TRAF1: variants seen among roughly 807,000 people sequenced by gnomAD.
The protein encoded by TRAF1 is TNF receptor associated factor 1, also known as TNF receptor-associated factor 1.
In TRAF1, 23 loss-of-function variants were observed where a neutral mutation model predicts 40.9. The ratio of observed to expected loss-of-function variants is 0.56; its 90% CI spans 0.40 to 0.80. TRAF1 has a LOEUF of 0.80. TRAF1 is among the 30% of genes least tolerant of loss of function. The pLI is 0.00. For missense variants in TRAF1, 477 were observed against 528.7 expected, an observed-to-expected ratio of 0.90 and a Z score of 0.96; for synonymous variants, 206 against 218.8, an observed-to-expected ratio of 0.94 and a Z score of 0.52.
At position 120,902,511 on chromosome 9, in the gene TRAF1, T is replaced by TTG. The variant is rs1468558069; in HGVS notation, c.*2508_*2509insCA. 3.1e-5 allele frequency: 2 copies of TTG among 64,548 alleles called. No homozygotes were observed. Among genetic ancestry groups the TTG allele is most frequent in the Admixed American group, 1.9e-4 (1 of 5,312 alleles). 4.0% of individuals were successfully genotyped at this position (64,548 alleles called of 1,614,324 possible). On this transcript the variant is annotated 3_prime_UTR_variant, in exon 8 of 8. Transcript: ENST00000373887. Reference sequence around the variant, plus strand: ...GGTGCTCTGTGGGCAGGGCGGGGGGTGGGGGGGGGGGCGGTGGGCACTGCT... The same window carrying TTG: ...GGTGCTCTGTGGGCAGGGCGGGGGGTTGGGGGGGGGGGGCGGTGGGCACTGCT...
At chr9:120,925,628 G>A (rs2046634020) in intron 2 of TRAF1, among the ~76,000 whole-genome samples, 1 of 152,218 alleles carries the variant, frequency 6.6e-6, no homozygotes, top group African/African-American at 2.4e-5. Context: ...ACAGACAAGC[G>A]AGCTGCGGCT....
At chr9:120,923,479 C>T (rs1196399435) in intron 3 of TRAF1, among the ~76,000 whole-genome samples, 1 of 152,208 alleles carries the variant, frequency 6.6e-6, no homozygotes. Flanking sequence ...TTGTGGACCC[C>T]TGGTCTGGAC....
At position 120,905,143 on chromosome 9, in the gene TRAF1, A is replaced by C. The variant is rs2046470563; in HGVS notation, c.1128T>G (p.Ser376Arg). The C allele has an allele frequency of 6.2e-7, 1 of 1,614,002 alleles. No individual in the cohort carries two copies. The highest frequency in any genetic ancestry group is 1.3e-5 in the African/African-American group (1 of 74,894). ...GGCATCCACTGGCCACGTTGGTTTC[A>C]CTCTGGGGCCTCTGGAAGGACGCTG... ...LSSASFQRPQ[S>R]ETNVASGCPL... Residue 376 changes from serine (S) to arginine (R), a missense_variant, in exon 8 of 8, where the codon AGT becomes AGG. By Grantham distance (110) the Ser-to-Arg change is moderately radical (BLOSUM62 -1). Coordinates refer to ENST00000373887, the MANE Select transcript of TRAF1 (RefSeq NM_005658.5).
In TRAF1 at chr9:120,903,855, C is replaced by G. The variant is rs1411873551; in HGVS notation, c.*1165G>C. ...GGGGATGTTCCTGCCAGCATGCCAG[C>G]CTCTGATGCCACCTGCAAAACTGGT... On this transcript the variant is annotated 3_prime_UTR_variant, in exon 8 of 8. Coordinates refer to ENST00000373887, the MANE Select transcript of TRAF1 (RefSeq NM_005658.5). 1 of 152,260 alleles carries G rather than the reference C, an allele frequency of 6.6e-6. No homozygotes were observed. Among genetic ancestry groups the G allele is most frequent in the East Asian group, 1.9e-4 (1 of 5,190 alleles). 9.4% of individuals were successfully genotyped at this position (152,260 alleles called of 1,614,324 possible). A position where few individuals can be genotyped will look rare whatever the true frequency, so the allele number is the denominator to read the frequency against.
intron 6 of TRAF1, among the ~76,000 whole-genome samples, chr9:120,910,937 C>T (rs1469542943): frequency 6.6e-6 from 1 of 152,210 alleles, no homozygotes; most frequent in African/African-American, 2.4e-5. Flanking sequence ...TCTGAGGCCA[C>T]GGTGTTCACT....
chr9:120,913,216 A>T, intron 5 of TRAF1, 112 bp downstream of exon 5: 1 of 1,319,820 alleles, frequency 7.6e-7, no homozygotes, highest in South Asian at 1.5e-5. Context: ...ATACGTTTTG[A>T]TGGAGTGACT....
chr9:120,922,942 G>A (rs920298419), intron 3 of TRAF1, among the ~76,000 whole-genome samples: 1 of 152,052 alleles, frequency 6.6e-6, no homozygotes, highest in African/African-American at 2.4e-5. Context: ...AGGCTCAGGC[G>A]ACTCTCCTAC....
Position 120,904,831 on chromosome 9 carries a change from G to A in TRAF1, c.*189C>T. ...GTCTCCTTCTGGACCCTTTGCCTTT[G>A]TGGGCCCAGCCCACGTCCTGCCATC... is the stretch of plus-strand genomic sequence containing the variant. On this transcript the variant is annotated 3_prime_UTR_variant, in exon 8 of 8. Coordinates refer to ENST00000373887, the MANE Select transcript of TRAF1 (RefSeq NM_005658.5). 1 of 633,938 alleles carries A rather than the reference G, an allele frequency of 1.6e-6. No individual in the cohort carries two copies. Among genetic ancestry groups the A allele is most frequent in the Non-Finnish European group, 2.7e-6 (1 of 368,284 alleles). 39.3% of individuals were successfully genotyped at this position (633,938 alleles called of 1,614,324 possible). A position where few individuals can be genotyped will look rare whatever the true frequency, so the allele number is the denominator to read the frequency against.
At chr9:120,929,156 G>C (rs1057049650), upstream of TRAF1, 1 of 152,558 alleles carries the variant, frequency 6.6e-6, no homozygotes, top group South Asian at 2.1e-4. This position sits in a 1 kb window ranked among gnomAD's most constrained non-coding sequence, Gnocchi z 4.5. Flanking sequence ...GCCAGGCCCG[G>C]AGCTTCCGGT....
chr9:120,913,406 C>G lies in TRAF1; in HGVS notation c.627G>C (p.Glu209Asp), dbSNP rs139512686. ...AGGTGGCCAGGGCCAGGTGGGAGGC[C>G]TCCACCTCCTTGTTGAGGACAGCAA... is the stretch of plus-strand genomic sequence containing the variant. ...NIVAVLNKEV[E>D]ASHLALATSI... The change falls in exon 5 of 8, where the codon GAG becomes GAC. Residue 209 changes from glutamate to aspartate, a missense_variant. Coordinates refer to ENST00000373887, the MANE Select transcript of TRAF1 (RefSeq NM_005658.5). 9.9e-6 allele frequency: 16 copies of G among 1,613,972 alleles called. No individual in the cohort carries two copies. In the East Asian group the frequency reaches 3.6e-4, roughly 36 times the overall value.
intron 7 of TRAF1, 67 bp from the exon 8 acceptor site, chr9:120,905,305 G>T: frequency 6.7e-7 from 1 of 1,494,522 alleles, no homozygotes; most frequent in South Asian, 1.2e-5. Flanking sequence ...GCCCAGGCTT[G>T]GGCTCAGAGC....
In TRAF1 at chr9:120,904,703, T is replaced by G; in HGVS notation, c.*317A>C. 2.8e-6 allele frequency: 1 copy of G among 351,838 alleles called. No homozygotes were observed. 21.8% of individuals were successfully genotyped at this position (351,838 alleles called of 1,614,324 possible). ...TCCTACGGTTCCAAGCCTGGTTCCA[T>G]TTTCTTCTCATTTGGTGAGAGTCCA... On this transcript the variant is annotated 3_prime_UTR_variant, in exon 8 of 8. Coordinates refer to ENST00000373887, the MANE Select transcript of TRAF1 (RefSeq NM_005658.5).
At chr9:120,911,631 G>GATGCAGACGCACACCTGA in intron 5 of TRAF1, 118 bp from the exon 6 acceptor site, 2 of 1,208,672 alleles carry the variant, frequency 1.7e-6, no homozygotes, top group Non-Finnish European at 2.3e-6. Flanking sequence ...GCCTCACTCA[G>GATGCAGACGCACACCTGA]GTGTGCGTCT....
At chr9:120,923,622 T>C (rs1269475313) in intron 3 of TRAF1, 83 bp downstream of exon 3, 3 of 1,318,244 alleles carry the variant, frequency 2.3e-6, no homozygotes, top group Non-Finnish European at 3.3e-6. Context: ...CTGCCAGGGG[T>C]GGAGTGGGCA....
At chr9:120,926,842 C>T (rs534472498), upstream of TRAF1, 1 of 152,218 alleles carries the variant, frequency 6.6e-6, no homozygotes, top group South Asian at 2.1e-4. Context: ...CCACACCACC[C>T]CACTCAGGAA....
chr9:120,911,350 C>G lies in TRAF1; in HGVS notation c.869G>C (p.Ser290Thr). The G allele has an allele frequency of 1.2e-6, 2 of 1,613,184 alleles. No homozygotes were observed. The part of the protein sequence containing the change: ...CHESACGRTV[S>T]LFSPAFYTAK... ...GGAGGTGTTACCTGGGGAGAAGAGG[C>G]TGACGGTCCTGCCACAGGCCGACTC... The change falls in exon 6 of 8, where the codon AGC becomes ACC. Residue 290 changes from serine (S) to threonine (T), a missense_variant. Ser to Thr is a moderately conservative substitution (Grantham distance 58, BLOSUM62 1). Transcript: ENST00000373887.
At chr9:120,906,183 T>TGG (rs1554714690) in intron 7 of TRAF1, among the ~76,000 whole-genome samples, 3 of 52,150 alleles carry the variant, frequency 5.8e-5, no homozygotes, top group Non-Finnish European at 2.2e-4. Context: ...GTTTTTTTTT[T>TGG]TTTTTTTTTT....
At chr9:120,913,228 C>T in intron 5 of TRAF1, 100 bp downstream of exon 5, 1 of 1,393,988 alleles carries the variant, frequency 7.2e-7, no homozygotes, top group Admixed American at 2.6e-5. Flanking sequence ...GGAGTGACTG[C>T]TGTAAGCAGG....
chr9:120,919,253 G>T (rs772442719), intron 3 of TRAF1, among the ~76,000 whole-genome samples: 1 of 152,152 alleles, frequency 6.6e-6, no homozygotes, highest in Non-Finnish European at 1.5e-5. Context: ...AATTTCCTCC[G>T]AGGAGGAGAC....
Sources: gnomAD v4.1 joint callset for allele counts (sites outside exome capture counted in the v4.1 genomes callset) on GRCh38, gnomAD v4.1.1 for gene constraint, Gnocchi (gnomAD v3.1) non-coding constraint, MANE v1.5 for transcripts, NCBI Gene and HGNC (gene_info 2026-07-23, HGNC 2026-07-21) for gene names.